ASPA: variants seen among roughly 807,000 people sequenced by gnomAD.
ASPA encodes the protein aspartoacylase.
A neutral mutation model predicts 29.6 loss-of-function variants in ASPA; 25 were observed. That is an observed-to-expected ratio of 0.85 (90% CI 0.62 to 1.18). ASPA has a LOEUF of 1.18. ASPA is among the 50% of genes most tolerant of loss of function. ASPA has a pLI of 0.00. For missense variants in ASPA, 333 were observed against 385.7 expected (o/e 0.86, Z 1.14); for synonymous variants, 131 against 130.3 (o/e 1.01, Z -0.04).
At chr17:3,479,096 C>G (rs569335679) in intron 1 of ASPA, among the ~76,000 whole-genome samples, 61 of 152,314 alleles carry the variant, frequency 4.0e-4, no homozygotes, top group Non-Finnish European at 8.7e-4. Flanking sequence ...CTTATCATGT[C>G]TCTCCCCTGC....
At chr17:3,493,975 T>C (rs1346246398) in intron 4 of ASPA, among the ~76,000 whole-genome samples, 1 of 152,192 alleles carries the variant, frequency 6.6e-6, no homozygotes, top group Non-Finnish European at 1.5e-5. Flanking sequence ...TGTCTTCATT[T>C]TGTTATTGTT....
chr17:3,476,455 G>GA, intron 1 of ASPA, 60 bp downstream of exon 1: 1 of 1,455,474 alleles, frequency 6.9e-7, no homozygotes, highest in South Asian at 1.1e-5. Flanking sequence ...GTAGGTGTGT[G>GA]AAAGAGAACA....
chr17:3,475,954 C>A (rs1460500570), upstream of ASPA: 1 of 587,040 alleles, frequency 1.7e-6, no homozygotes, highest in African/African-American at 1.9e-5. Context: ...CCAAATATGG[C>A]AAAGGGCAGG....
At chr17:3,486,615 C>A (rs890798234) in intron 3 of ASPA, among the ~76,000 whole-genome samples, 1 of 152,120 alleles carries the variant, frequency 6.6e-6, no homozygotes, top group Admixed American at 6.6e-5. Context: ...TTCTTGAGCG[C>A]CTCATTAGCA....
At chr17:3,476,530 T>C in intron 1 of ASPA, 135 bp downstream of exon 1, 1 of 852,994 alleles carries the variant, frequency 1.2e-6, no homozygotes, top group Non-Finnish European at 1.9e-6. Flanking sequence ...ATAAGATCAC[T>C]TTCACTTTTA....
chr17:3,491,953 A>G (rs1018965328), intron 4 of ASPA, among the ~76,000 whole-genome samples: 3 of 145,702 alleles, frequency 2.1e-5, no homozygotes, highest in African/African-American at 5.1e-5. Flanking sequence ...TCACAGCTCA[A>G]TGGAGCCTCA....
intron 4 of ASPA, among the ~76,000 whole-genome samples, chr17:3,491,485 G>T (rs953395088): frequency 6.6e-6 from 1 of 152,172 alleles, no homozygotes; most frequent in Non-Finnish European, 1.5e-5. Context: ...GGTGGCTCAT[G>T]CCTGTAATCC....
chr17:3,497,669 C>T (rs1440305065), intron 5 of ASPA, among the ~76,000 whole-genome samples: 2 of 152,148 alleles, frequency 1.3e-5, no homozygotes, highest in Non-Finnish European at 2.9e-5. Flanking sequence ...GAGAAAACTG[C>T]GGTGATGCGG....
chr17:3,497,872 T>G (rs930751083), intron 5 of ASPA, among the ~76,000 whole-genome samples: 1 of 152,134 alleles, frequency 6.6e-6, no homozygotes, highest in African/African-American at 2.4e-5. Context: ...AATCAGAATC[T>G]TCATCTTAAC....
intron 5 of ASPA, 34 bp downstream of exon 5, chr17:3,494,493 T>C: frequency 6.6e-7 from 1 of 1,519,564 alleles, no homozygotes; most frequent in Non-Finnish European, 9.1e-7. Flanking sequence ...ATGTTGAAAA[T>C]AATAATGCTG....
At position 3,476,106 on chromosome 17, in the gene ASPA, T is replaced by C. The variant is rs2073517468; in HGVS notation, c.-54T>C. ...TAAACCTTTCTTAAGAAAATCGAAT[T>C]TCCTTTGATCTCTCTTCTGAATTGC... On this transcript the variant is annotated 5_prime_UTR_variant, in exon 1 of 6. Coordinates refer to ENST00000263080, the MANE Select transcript of ASPA (RefSeq NM_000049.4). 6.5e-6 allele frequency: 10 copies of C among 1,532,728 alleles called. No homozygotes were observed. Among genetic ancestry groups the C allele is most frequent in the African/African-American group, 1.4e-5 (1 of 73,168 alleles). The allele number at this position is 1,532,728 out of a possible 1,614,324, so 94.9% of individuals were successfully genotyped here.
chr17:3,492,526 A>G (rs1374908799), intron 4 of ASPA, among the ~76,000 whole-genome samples: 4 of 152,198 alleles, frequency 2.6e-5, no homozygotes, highest in East Asian at 1.9e-4. Flanking sequence ...GTTCAGAGAT[A>G]GAGTCTATTT....
chr17:3,474,599 A>G (rs2073494623), upstream of ASPA, among the ~76,000 whole-genome samples: 1 of 152,132 alleles, frequency 6.6e-6, no homozygotes, highest in Admixed American at 6.5e-5. Context: ...TTTCTATTAG[A>G]ACAGTCATTT....
intron 1 of ASPA, among the ~76,000 whole-genome samples, chr17:3,477,783 G>A (rs2073552893): frequency 6.6e-6 from 1 of 151,880 alleles, no homozygotes; most frequent in Non-Finnish European, 1.5e-5. Context: ...AAAATATTCT[G>A]AAACATCTGT....
intron 3 of ASPA, among the ~76,000 whole-genome samples, chr17:3,484,838 G>A (rs929882296): frequency 6.6e-6 from 1 of 151,946 alleles, no homozygotes; most frequent in African/African-American, 2.4e-5. Context: ...CATATACAAG[G>A]GCCCCAAACC....
In ASPA at chr17:3,485,305, T is replaced by C. The variant is rs1002132279; in HGVS notation, c.526+1713T>C. Among the ~76,000 whole-genome samples, 1 of 152,140 alleles carries C rather than the reference T, an allele frequency of 6.6e-6. No homozygotes were observed. Among genetic ancestry groups the C allele is most frequent in the African/African-American group, 2.4e-5 (1 of 41,436 alleles). On this transcript the variant is annotated intron_variant, in intron 3 of 5. Coordinates refer to ENST00000263080, the MANE Select transcript of ASPA (RefSeq NM_000049.4). This position sits in a 1 kb window ranked among gnomAD's most constrained non-coding sequence, Gnocchi z 4.4. Reference sequence around the variant, plus strand: ...GATTACAAGCGTGAGCCACCACACCTGTACCTCATTCACAGTTTTAATCAC... The same window carrying C: ...GATTACAAGCGTGAGCCACCACACCCGTACCTCATTCACAGTTTTAATCAC...
At chr17:3,491,878 T>TTTA (rs2073832332) in intron 4 of ASPA, among the ~76,000 whole-genome samples, 1 of 11,266 alleles carries the variant, frequency 8.9e-5, no homozygotes, top group Admixed American at 1.4e-3. Flanking sequence ...TTTTGTTTTC[T>TTTA]TTTTTTTTTT....
At chr17:3,491,577 G>T (rs1273508760) in intron 4 of ASPA, among the ~76,000 whole-genome samples, 1 of 152,008 alleles carries the variant, frequency 6.6e-6, no homozygotes, top group Non-Finnish European at 1.5e-5. Context: ...GGAAAACCTT[G>T]TCTCTACTAA....
At chr17:3,475,214 C>A (rs746082812), upstream of ASPA, among the ~76,000 whole-genome samples, 1 of 152,150 alleles carries the variant, frequency 6.6e-6, no homozygotes, top group Non-Finnish European at 1.5e-5. Flanking sequence ...GGGATGTAAT[C>A]ATCTTAGTAT....
Sources: gnomAD v4.1 joint callset for allele counts (sites outside exome capture counted in the v4.1 genomes callset) on GRCh38, gnomAD v4.1.1 for gene constraint, Gnocchi (gnomAD v3.1) non-coding constraint, MANE v1.5 for transcripts, NCBI Gene and HGNC (gene_info 2026-07-23, HGNC 2026-07-21) for gene names.